ULK4: variants seen among roughly 807,000 people sequenced by gnomAD.
ULK4 encodes the protein inactive serine/threonine-protein kinase ULK4.
ULK4 carries 133 observed loss-of-function variants against 160.6 expected under a neutral mutation model. The ratio of observed to expected loss-of-function variants is 0.83; its 90% CI spans 0.72 to 0.96. ULK4 has a LOEUF of 0.96. Among genes scored for constraint, ULK4 ranks in the 40% least tolerant of loss-of-function variants. The probability of loss-of-function intolerance (pLI) is 0.00; values close to 1 mark genes in which losing one functional copy is unlikely to be tolerated. For missense variants in ULK4, 1,580 were observed against 1,499.5 expected (o/e 1.05, Z -0.89); for synonymous variants, 534 against 539.8 (o/e 0.99, Z 0.15).
At chr3:41,703,897 TG>T (rs1299778266) in intron 27 of ULK4, among the ~76,000 whole-genome samples, 1 of 144,648 alleles carries the variant, frequency 6.9e-6, no homozygotes, top group Non-Finnish European at 1.5e-5. Context: ...GTTTGAAGGG[TG>T]GGGGCAGAGG....
At chr3:41,492,243 A>G (rs1351567601) in intron 32 of ULK4, among the ~76,000 whole-genome samples, 1 of 152,142 alleles carries the variant, frequency 6.6e-6, no homozygotes, top group African/African-American at 2.4e-5. Flanking sequence ...TTGGGTATAT[A>G]CCCAGCAATG....
intron 31 of ULK4, among the ~76,000 whole-genome samples, chr3:41,573,084 G>A (rs1417198863): frequency 6.6e-6 from 1 of 152,116 alleles, no homozygotes; most frequent in Non-Finnish European, 1.5e-5. Flanking sequence ...CACAGTGCAT[G>A]GACATTTAAT....
At chr3:41,681,282 G>C (rs2035913102) in intron 29 of ULK4, among the ~76,000 whole-genome samples, 1 of 152,160 alleles carries the variant, frequency 6.6e-6, no homozygotes, top group Non-Finnish European at 1.5e-5. Flanking sequence ...GCAAAAAACA[G>C]ATTAAGCTTT....
At chr3:41,386,049 C>A (rs978969774) in intron 35 of ULK4, among the ~76,000 whole-genome samples, 2 of 152,164 alleles carry the variant, frequency 1.3e-5, no homozygotes, top group Non-Finnish European at 2.9e-5. Flanking sequence ...CCATTCAGAT[C>A]ATAAACTTCA....
chr3:41,400,871 C>T lies in ULK4; in HGVS notation c.3493-2607G>A, dbSNP rs1418594949. On this transcript the variant is annotated intron_variant, in intron 34 of 36. Transcript: ENST00000301831. Reference sequence around the variant, plus strand: ...GTTATCACTATTTTTTTATTTTAGCCACTCTGCTAGATAGATGGTGGTATC... The same window carrying T: ...GTTATCACTATTTTTTTATTTTAGCTACTCTGCTAGATAGATGGTGGTATC... 3.3e-5 allele frequency among the ~76,000 whole-genome samples: 5 copies of T among 152,144 alleles called. 1 individual carries two copies. Among genetic ancestry groups the T allele is most frequent in the African/African-American group, 1.2e-4 (5 of 41,430 alleles).
At chr3:41,309,305 CTG>C (rs960616806) in intron 35 of ULK4, among the ~76,000 whole-genome samples, 1 of 151,958 alleles carries the variant, frequency 6.6e-6, no homozygotes, top group Non-Finnish European at 1.5e-5. Context: ...TGTAATGAAA[CTG>C]TAGAACAACA....
Position 41,715,539 on chromosome 3 carries a change from A to C in ULK4, c.2485T>G (p.Ser829Ala). Residue 829 changes from serine (S) to alanine (A), a missense_variant, in exon 24 of 37, where the codon TCT becomes GCT. Transcript: ENST00000301831. ...ACTGTTGATGGGTGTTTACGTCCAG[A>C]AACATTAGCCAAGGAGTTAAGAATG... ...GDILNSLANV[S>A]GRKHPSTVQV... The C allele has an allele frequency of 6.2e-7, 1 of 1,614,160 alleles. No individual in the cohort carries two copies. Among genetic ancestry groups the C allele is most frequent in the Non-Finnish European group, 8.5e-7 (1 of 1,180,014 alleles).
At chr3:41,899,889 A>C (rs1426763216) in intron 13 of ULK4, among the ~76,000 whole-genome samples, 1 of 152,228 alleles carries the variant, frequency 6.6e-6, no homozygotes, top group East Asian at 1.9e-4. Flanking sequence ...CTATCTAGAA[A>C]ATAAATAAGA....
intron 18 of ULK4, among the ~76,000 whole-genome samples, chr3:41,833,862 C>T (rs1454362244): frequency 6.6e-6 from 1 of 152,016 alleles, no homozygotes; most frequent in Non-Finnish European, 1.5e-5. Context: ...CTTTCTCTTG[C>T]CTGATCACCC....
In ULK4 at chr3:41,897,162, G is replaced by A. The variant is rs114266267; in HGVS notation, c.1349-159C>T. 5.7e-3 allele frequency among the ~76,000 whole-genome samples: 875 copies of A among 152,214 alleles called. 7 individuals are homozygous for A. Among genetic ancestry groups the A allele is most frequent in the African/African-American group, 0.02 (810 of 41,532 alleles). On this transcript the variant is annotated intron_variant, in intron 14 of 36. Transcript: ENST00000301831. ...TCCAAAGATGACACTATTTTTATTC[G>A]TCCTTCTATATTCCTAATCTCTTTA...
intron 19 of ULK4, among the ~76,000 whole-genome samples, chr3:41,805,897 T>C (rs1422421198): frequency 1.4e-5 from 2 of 146,618 alleles, no homozygotes; most frequent in Non-Finnish European, 3.0e-5. Context: ...AGTATTTTAT[T>C]GAGGATTTTT....
chr3:41,708,920 T>C (rs565829535), intron 25 of ULK4, among the ~76,000 whole-genome samples: 1 of 152,334 alleles, frequency 6.6e-6, no homozygotes, highest in South Asian at 2.1e-4. Context: ...TTTAAAGTTA[T>C]AGGAAAATAC....
At position 41,754,391 on chromosome 3, in the gene ULK4, C is replaced by G. The variant is rs769852192; in HGVS notation, c.2291G>C (p.Arg764Pro). The G allele has an allele frequency of 2.5e-6, 4 of 1,612,460 alleles. No individual in the cohort carries two copies. The highest frequency in any genetic ancestry group is 3.3e-4 in the Middle Eastern group (2 of 6,058). The change falls in exon 22 of 37, where the codon CGT becomes CCT. Residue 764 changes from arginine to proline, a missense_variant. By Grantham distance (103) the Arg-to-Pro change is moderately radical. Coordinates refer to ENST00000301831, the MANE Select transcript of ULK4 (RefSeq NM_017886.4). ...LVLLYILIYN[R>P]EMLLLSCQAR... ...TTGGCAACTGAGCAGCAACATCTCA[C>G]GGTTATAAATCAAAATATATAGAAG...
intron 27 of ULK4, among the ~76,000 whole-genome samples, chr3:41,683,115 T>C (rs1451428005): frequency 6.6e-6 from 1 of 151,990 alleles, no homozygotes; most frequent in Admixed American, 6.6e-5. Context: ...CCCACACCAG[T>C]ACCTCACTGA....
chr3:41,881,535 A>G (rs975601775), intron 17 of ULK4, among the ~76,000 whole-genome samples: 6 of 152,184 alleles, frequency 3.9e-5, no homozygotes, highest in African/African-American at 1.4e-4. Context: ...ATAAAGAACT[A>G]AAAAGTGTTG....
At chr3:41,538,225 T>C (rs1173007421) in intron 32 of ULK4, among the ~76,000 whole-genome samples, 6 of 152,174 alleles carry the variant, frequency 3.9e-5, no homozygotes, top group Non-Finnish European at 8.8e-5. Flanking sequence ...TCTAGAGATA[T>C]AGCTTTCTTA....
intron 35 of ULK4, among the ~76,000 whole-genome samples, chr3:41,313,604 T>C (rs1176700823): frequency 1.3e-5 from 2 of 152,198 alleles, no homozygotes; most frequent in East Asian, 3.8e-4. Flanking sequence ...TAGTTGAACA[T>C]TCAACACATT....
intron 20 of ULK4, among the ~76,000 whole-genome samples, chr3:41,796,655 T>A (rs2040308532): frequency 6.6e-6 from 1 of 152,124 alleles, no homozygotes; most frequent in Non-Finnish European, 1.5e-5. Flanking sequence ...AAAATTAAAA[T>A]ATAAATTCAT....
chr3:41,516,568 A>T (rs2085755583), intron 32 of ULK4, among the ~76,000 whole-genome samples: 1 of 152,080 alleles, frequency 6.6e-6, no homozygotes. Context: ...GGTTAAGTGA[A>T]ATAAGCCAGG....
Sources: allele counts gnomAD v4.1 joint callset (sites outside exome capture counted in the v4.1 genomes callset), GRCh38; gene constraint gnomAD v4.1.1; transcripts MANE v1.5; gene names NCBI Gene and HGNC (gene_info 2026-07-23, HGNC 2026-07-21).